The following RALGDS variants were observed in gnomAD, a reference collection of about 807,000 sequenced individuals.
The protein encoded by RALGDS is ral guanine nucleotide dissociation stimulator, also known as ral guanine nucleotide exchange factor.
In RALGDS, 44 loss-of-function variants were observed where a neutral mutation model predicts 99.8. The ratio of observed to expected loss-of-function variants is 0.44; its 90% CI spans 0.35 to 0.57. RALGDS has a LOEUF of 0.57. Among genes scored for constraint, RALGDS ranks in the 20% least tolerant of loss-of-function variants. The pLI is 0.01. For missense variants in RALGDS, 1,022 were observed against 1,203.1 expected (o/e 0.85, Z 2.23); for synonymous variants, 529 against 505.0 (o/e 1.05, Z -0.64).
chr9:133,122,946 C>T (rs1398502708), upstream of RALGDS, among the ~76,000 whole-genome samples: 3 of 152,068 alleles, frequency 2.0e-5, no homozygotes, highest in East Asian at 1.9e-4. Flanking sequence ...TCAAGTGAAC[C>T]GCTCGCCTCG....
chr9:133,109,515 G>A, intron 4 of RALGDS, 111 bp downstream of exon 4: 2 of 984,934 alleles, frequency 2.0e-6, no homozygotes. Flanking sequence ...CACAAGAGGT[G>A]TGGGAGCCAG....
At chr9:133,121,334 C>G (rs960008768), upstream of RALGDS, 33 of 626,792 alleles carry the variant, frequency 5.3e-5, no homozygotes, top group African/African-American at 6.2e-4. Flanking sequence ...CCGGAGAGTC[C>G]GAGGGACGCG....
At chr9:133,111,939 G>A in intron 2 of RALGDS, 103 bp downstream of exon 2, 1 of 879,680 alleles carries the variant, frequency 1.1e-6, no homozygotes, top group Non-Finnish European at 1.8e-6. Flanking sequence ...GGAAGGGAGT[G>A]AAGGCCGTTT....
At chr9:133,143,966 A>C (rs1832581239) in intron 1 of RALGDS, among the ~76,000 whole-genome samples, 2 of 151,688 alleles carry the variant, frequency 1.3e-5, no homozygotes, top group African/African-American at 2.4e-5. Flanking sequence ...GCCCCTTTGT[A>C]TATCAAAGGC....
intron 9 of RALGDS, among the ~76,000 whole-genome samples, chr9:133,104,894 C>T (rs1188491425): frequency 6.6e-6 from 1 of 152,184 alleles, no homozygotes; most frequent in African/African-American, 2.4e-5. Flanking sequence ...ACACTCCTTT[C>T]TCCCTTGAAC....
rs745923307 is a variant in RALGDS at position 133,106,019 on chromosome 9, G to A, written c.1518-3C>T. On this transcript the variant is annotated splice_region_variant and splice_polypyrimidine_tract_variant and intron_variant, in intron 8 of 17. Coordinates refer to ENST00000372050, the MANE Select transcript of RALGDS (RefSeq NM_006266.4). ...TCTGAAAGATCCGGAAACTGTCCCT[G>A]TCAGAAGGGCAAAGAAGGAAAGAGA... 4 of 1,606,754 alleles carry A rather than the reference G, an allele frequency of 2.5e-6. No individual in the cohort carries two copies. Among genetic ancestry groups the A allele is most frequent in the Non-Finnish European group, 3.4e-6 (4 of 1,176,328 alleles).
rs537135802 is a variant in RALGDS at position 133,104,064 on chromosome 9, G to A, written c.1671+199C>T. 2.2e-4 allele frequency among the ~76,000 whole-genome samples: 34 copies of A among 152,318 alleles called. 1 individual carries two copies. In the South Asian group the frequency reaches 6.8e-3, roughly 31 times the overall value. Reference sequence around the variant, plus strand: ...GCCCTCCCCAGCCCCACACCCGCCTGAGCCGGCTCTGCCAGGCCTGTCCTT... The same window carrying A: ...GCCCTCCCCAGCCCCACACCCGCCTAAGCCGGCTCTGCCAGGCCTGTCCTT... On this transcript the variant is annotated intron_variant, in intron 10 of 17. Coordinates refer to ENST00000372050, the MANE Select transcript of RALGDS (RefSeq NM_006266.4).
chr9:133,132,907 G>A (rs1832365900), upstream of RALGDS, among the ~76,000 whole-genome samples: 1 of 152,108 alleles, frequency 6.6e-6, no homozygotes, highest in Non-Finnish European at 1.5e-5. Flanking sequence ...AAAATGCTGG[G>A]ATTACAGGCG....
At chr9:133,113,480 C>T (rs1396374403) in intron 1 of RALGDS, among the ~76,000 whole-genome samples, 3 of 152,168 alleles carry the variant, frequency 2.0e-5, no homozygotes, top group Admixed American at 6.5e-5. Context: ...GGCTCCTGAC[C>T]GCCACCGCCT....
In RALGDS at chr9:133,144,743, A is replaced by G. The variant is rs1832596489; in HGVS notation, c.18+4220T>C. Among the ~76,000 whole-genome samples the G allele has an allele frequency of 6.6e-6, 1 of 152,186 alleles. No homozygotes were observed. The highest frequency in any genetic ancestry group is 2.1e-4 in the South Asian group (1 of 4,822). ...CCCTAGTCCCCGTAGGCACGCGGGT[A>G]CCCGGCCTTTGGGAGGGGGATCATT... On this transcript the variant is annotated intron_variant, in intron 1 of 17. Coordinates refer to the RALGDS transcript ENST00000393160. The surrounding 1 kb of genome is among the most constrained non-coding windows in gnomAD (Gnocchi z 4.5).
At chr9:133,138,113 G>A (rs1283181679) in intron 1 of RALGDS, among the ~76,000 whole-genome samples, 3 of 152,216 alleles carry the variant, frequency 2.0e-5, no homozygotes, top group Non-Finnish European at 2.9e-5. Flanking sequence ...GTTTCCAAAG[G>A]GAACCTCCTA....
chr9:133,121,546 C>G (rs955898656), upstream of RALGDS, among the ~76,000 whole-genome samples: 4 of 152,196 alleles, frequency 2.6e-5, no homozygotes, highest in African/African-American at 9.7e-5. Flanking sequence ...GCGTGTCACG[C>G]TGCTGCAGTG....
intron 17 of RALGDS, 66 bp downstream of exon 17, chr9:133,100,202 A>G: frequency 6.9e-7 from 1 of 1,454,488 alleles, no homozygotes; most frequent in Admixed American, 1.7e-5. Context: ...AAAGGCTTCC[A>G]ACCTGGGGCT....
chr9:133,138,902 G>A (rs1001286897), intron 1 of RALGDS, among the ~76,000 whole-genome samples: 2 of 152,120 alleles, frequency 1.3e-5, no homozygotes, highest in Admixed American at 6.5e-5. Context: ...CCAAAATGCT[G>A]GGAGTACAGG....
exon 1 of RALGDS, chr9:133,149,170 TTGTC>T (rs1429861628): frequency 6.5e-6 from 1 of 154,700 alleles, no homozygotes; most frequent in East Asian, 1.9e-4. Context: ...GCCGCTCCCA[TTGTC>T]TGCGCCGCGC....
At chr9:133,128,478 G>A (rs377033164) in intron 1 of RALGDS, among the ~76,000 whole-genome samples, 13 of 152,286 alleles carry the variant, frequency 8.5e-5, no homozygotes, top group African/African-American at 2.6e-4. Context: ...ATCACACCCC[G>A]AGGGGCCCCG....
chr9:133,149,042 C>T lies in RALGDS; in HGVS notation c.-62G>A, dbSNP rs1157156208. 4 of 1,429,442 alleles carry T rather than the reference C, an allele frequency of 2.8e-6. No individual in the cohort carries two copies. The East Asian group carries it at 8.9e-5, about 32-fold the overall frequency. The allele number at this position is 1,429,442 out of a possible 1,614,324, so 88.5% of individuals were successfully genotyped here. ...GGACCCGGGGCTCGCAGAGGCCGCT[C>T]GCCTGGGCCCGCGCGCGGCGCAGGG... On this transcript the variant is annotated 5_prime_UTR_variant, in exon 1 of 18. Transcript: ENST00000393160.
In RALGDS at chr9:133,108,236, G is replaced by T. The variant is rs371299678; in HGVS notation, c.949C>A (p.Gln317Lys). ...VAPAPAPELQQAPEPAVGLES... is the reference protein window; with the variant it reads ...VAPAPAPELQKAPEPAVGLES... Reference sequence around the variant, plus strand: ...AGTCCCACAGCTGGCTCTGGAGCCTGCTGGAGCTCCGGAGCTGGTGCTGGA... The same window carrying T: ...AGTCCCACAGCTGGCTCTGGAGCCTTCTGGAGCTCCGGAGCTGGTGCTGGA... Residue 317 changes from glutamine to lysine, a missense_variant, in exon 6 of 18, where the codon CAG becomes AAG. By Grantham distance (53) the Gln-to-Lys change is moderately conservative. Coordinates refer to ENST00000372050, the MANE Select transcript of RALGDS (RefSeq NM_006266.4). 4.4e-6 allele frequency: 7 copies of T among 1,608,992 alleles called. No homozygotes were observed. The highest frequency in any genetic ancestry group is 5.9e-6 in the Non-Finnish European group (7 of 1,178,192).
At chr9:133,107,888 G>C in intron 6 of RALGDS, 100 bp downstream of exon 6, 1 of 1,450,692 alleles carries the variant, frequency 6.9e-7, no homozygotes, top group Non-Finnish European at 9.5e-7. Flanking sequence ...GCTGGGATTT[G>C]ACCAGAACAT....
Sources: allele counts gnomAD v4.1 joint callset (sites outside exome capture counted in the v4.1 genomes callset), GRCh38; gene constraint gnomAD v4.1.1; non-coding constraint Gnocchi (gnomAD v3.1); transcripts MANE v1.5; gene names NCBI Gene and HGNC (gene_info 2026-07-23, HGNC 2026-07-21).